The following GLB1L3 variants were observed in gnomAD, a reference collection of about 807,000 sequenced individuals.
GLB1L3 encodes the protein beta-galactosidase-1-like protein 3.
Under a neutral mutation model 89.5 loss-of-function variants are expected in GLB1L3, and 89 were observed. The observed-to-expected ratio is 0.99, with a 90% confidence interval of 0.84 to 1.19. GLB1L3 has a LOEUF of 1.19. GLB1L3 is among the 50% of genes most tolerant of loss of function. The pLI, the probability that GLB1L3 is intolerant of heterozygous loss-of-function variation, is 0.00. For synonymous variants in GLB1L3, 314 were observed against 312.3 expected (o/e 1.01, Z -0.06); for missense variants, 812 against 813.3 (o/e 1.00, Z 0.02).
intron 6 of GLB1L3, among the ~76,000 whole-genome samples, chr11:134,284,333 G>C (rs1472816984): frequency 6.6e-6 from 1 of 151,702 alleles, no homozygotes; most frequent in Admixed American, 6.6e-5. Flanking sequence ...ATGCCTCTCA[G>C]GCATTTTTCT....
At chr11:134,303,015 T>C (rs1196306415) in intron 9 of GLB1L3, among the ~76,000 whole-genome samples, 6 of 152,224 alleles carry the variant, frequency 3.9e-5, no homozygotes, top group Non-Finnish European at 8.8e-5. Context: ...GTTTGCTTGA[T>C]GTATTTTGAG....
the GLB1L3 span, among the ~76,000 whole-genome samples, chr11:134,324,899 T>C: frequency 1.3e-5 from 2 of 152,032 alleles, no homozygotes; most frequent in Non-Finnish European, 2.9e-5. Context: ...TTATTACTTA[T>C]ACATTTAAAT....
At chr11:134,286,501 C>A (rs7123222) in intron 6 of GLB1L3, among the ~76,000 whole-genome samples, 1 of 136,302 alleles carries the variant, frequency 7.3e-6, no homozygotes, top group South Asian at 2.7e-4. Context: ...GGTGGCCGGG[C>A]GCGGTGGCTC....
intron 15 of GLB1L3, 107 bp from the exon 16 acceptor site, chr11:134,313,289 C>T (rs1442388808): frequency 1.3e-6 from 1 of 784,086 alleles, no homozygotes; most frequent in Non-Finnish European, 2.2e-6. Context: ...CCTGGAGCCT[C>T]CTGTTCTCCC....
intron 11 of GLB1L3, chr11:134,310,147 C>T (rs547292084): frequency 1.1e-4 from 42 of 380,528 alleles, no homozygotes; most frequent in Middle Eastern, 8.0e-4. Context: ...CTTCCCTGGG[C>T]CACACTGGAA....
intron 6 of GLB1L3, among the ~76,000 whole-genome samples, chr11:134,286,417 G>GT (rs1352741296): frequency 1.3e-5 from 2 of 152,210 alleles, no homozygotes; most frequent in Non-Finnish European, 2.9e-5. Context: ...GGCTGAAGCT[G>GT]TATGTGTCTG....
the GLB1L3 span, among the ~76,000 whole-genome samples, chr11:134,324,902 A>G: frequency 6.6e-6 from 1 of 151,994 alleles, no homozygotes; most frequent in Non-Finnish European, 1.5e-5. Context: ...TTACTTATAC[A>G]TTTAAATTTA....
intron 9 of GLB1L3, among the ~76,000 whole-genome samples, chr11:134,306,317 T>A (rs2136192414): frequency 6.6e-6 from 1 of 152,356 alleles, no homozygotes; most frequent in East Asian, 1.9e-4. Flanking sequence ...TTAATAATTT[T>A]AAATATTAAT....
chr11:134,312,538 C>T, intron 14 of GLB1L3, 49 bp downstream of exon 14: 3 of 1,597,100 alleles, frequency 1.9e-6, no homozygotes, highest in Middle Eastern at 2.0e-4. Flanking sequence ...ATCACCTCCC[C>T]ATGCTGTCGG....
chr11:134,324,402 C>A (rs955476841), downstream of GLB1L3, among the ~76,000 whole-genome samples: 3 of 152,134 alleles, frequency 2.0e-5, no homozygotes, highest in African/African-American at 7.2e-5. Context: ...AATTCTTTGG[C>A]AGCCAAAAAA....
At chr11:134,308,272 CACCACCACCAA>C (rs1187836963) in intron 10 of GLB1L3, among the ~76,000 whole-genome samples, 21 of 53,934 alleles carry the variant, frequency 3.9e-4, no homozygotes, top group African/African-American at 9.3e-4. Context: ...CCACCACCAC[CACCACCACCAA>C]ATACCACCAC....
chr11:134,279,617 C>T (rs568055930), intron 3 of GLB1L3, among the ~76,000 whole-genome samples: 12 of 152,214 alleles, frequency 7.9e-5, no homozygotes, highest in Non-Finnish European at 1.5e-4. Flanking sequence ...CCGCCTGCCT[C>T]GGCCTCCCAA....
chr11:134,307,619 G>A (rs1942261486), intron 10 of GLB1L3, among the ~76,000 whole-genome samples: 1 of 152,162 alleles, frequency 6.6e-6, no homozygotes, highest in African/African-American at 2.4e-5. Flanking sequence ...CAGTGCATAG[G>A]CCCTCTCTAT....
At chr11:134,319,718 C>CTCTG (rs747828933), downstream of GLB1L3, among the ~76,000 whole-genome samples, 3 of 124,570 alleles carry the variant, frequency 2.4e-5, no homozygotes, top group Admixed American at 8.3e-5. Context: ...CTCTCTCTCT[C>CTCTG]TGTGTATGTG....
intron 10 of GLB1L3, among the ~76,000 whole-genome samples, chr11:134,307,468 G>A (rs1479163638): frequency 1.3e-5 from 2 of 152,172 alleles, no homozygotes; most frequent in Non-Finnish European, 2.9e-5. Flanking sequence ...TCCATGTTTG[G>A]TGGATACTTT....
intron 9 of GLB1L3, among the ~76,000 whole-genome samples, chr11:134,305,509 C>T (rs939569435): frequency 3.3e-5 from 5 of 152,280 alleles, no homozygotes; most frequent in African/African-American, 1.2e-4. Context: ...TTCCATTTCT[C>T]AGTCCTTATT....
chr11:134,316,251 AT>A (rs1437867444), intron 18 of GLB1L3, among the ~76,000 whole-genome samples: 1 of 149,998 alleles, frequency 6.7e-6, no homozygotes, highest in Middle Eastern at 3.4e-3. Flanking sequence ...TATTGTATTT[AT>A]TTTCATGACT....
chr11:134,276,844 GGCCGGCCACGCGCCCCAGGCACGCGCCGC>G (rs933670844), intron 1 of GLB1L3, 81 bp downstream of exon 1: 124 of 1,212,268 alleles, frequency 1.0e-4, no homozygotes, highest in Non-Finnish European at 1.3e-4. Flanking sequence ...CGGGTTCTGT[GGCCGGCCACGCGCCCCAGGCACGCGCCGC>G]GCCGGGCCGC....
At chr11:134,287,615 A>C (rs1019003411) in intron 6 of GLB1L3, among the ~76,000 whole-genome samples, 1 of 152,210 alleles carries the variant, frequency 6.6e-6, no homozygotes, top group African/African-American at 2.4e-5. Context: ...ATTGTTTTCA[A>C]CTCACTCGCT....
Sources: allele counts gnomAD v4.1 joint callset (sites outside exome capture counted in the v4.1 genomes callset), GRCh38; gene constraint gnomAD v4.1.1; transcripts MANE v1.5; gene names NCBI Gene and HGNC (gene_info 2026-07-23, HGNC 2026-07-21).